KIF5C: variants seen among roughly 807,000 people sequenced by gnomAD.
The protein encoded by KIF5C is kinesin heavy chain isoform 5C.
A neutral mutation model predicts 125.2 loss-of-function variants in KIF5C; 18 were observed. The observed-to-expected ratio is 0.14, with a 90% CI of 0.10 to 0.21. KIF5C has a LOEUF of 0.21. Ranked by LOEUF, KIF5C falls within the 10% of genes least tolerant of loss-of-function variation. The pLI, the probability that KIF5C is intolerant of heterozygous loss-of-function variation, is 1.00. For synonymous variants in KIF5C, 405 were observed against 434.0 expected (o/e 0.93, Z 0.83); for missense variants, 780 against 1,183.8 (o/e 0.66, Z 5.01).
intron 11 of KIF5C, among the ~76,000 whole-genome samples, chr2:148,965,141 G>C: frequency 6.6e-6 from 1 of 152,160 alleles, no homozygotes; most frequent in Non-Finnish European, 1.5e-5. Flanking sequence ...GGAGAACCAG[G>C]GGTGAGGGAG....
At chr2:148,999,065 C>T (rs1681770568) in intron 19 of KIF5C, among the ~76,000 whole-genome samples, 1 of 152,204 alleles carries the variant, frequency 6.6e-6, no homozygotes, top group African/African-American at 2.4e-5. Flanking sequence ...TGACCTGTGG[C>T]ACTGCCACCA....
Position 149,024,431 on chromosome 2 carries a change from C to G in KIF5C, c.*1361C>G, listed in dbSNP as rs191899859. 95 of 152,216 alleles carry G rather than the reference C, an allele frequency of 6.2e-4. 2 individuals are homozygous for G. The highest frequency in any genetic ancestry group is 5.1e-3 in the East Asian group (26 of 5,132). The allele number at this position is 152,216 out of a possible 1,614,324, so 9.4% of individuals were successfully genotyped here. On this transcript the variant is annotated 3_prime_UTR_variant, in exon 26 of 26. Transcript: ENST00000435030. ...AAGATGAGTGAGCTGGCACTGTGCC[C>G]TGAAGCTTTCACCACTGTAATGAAA...
chr2:148,939,020 G>T (rs1682349201), intron 4 of KIF5C, among the ~76,000 whole-genome samples: 1 of 151,364 alleles, frequency 6.6e-6, no homozygotes, highest in Admixed American at 6.6e-5. Flanking sequence ...ACTTGAACCT[G>T]GGAGGCAGAG....
In KIF5C at chr2:148,991,019, G is replaced by A; in HGVS notation, c.1726G>A (p.Val576Met). 6.2e-7 allele frequency: 1 copy of A among 1,613,312 alleles called. No individual in the cohort carries two copies. Among genetic ancestry groups the A allele is most frequent in the Non-Finnish European group, 8.5e-7 (1 of 1,179,572 alleles). The change falls in exon 16 of 26, where the codon GTG becomes ATG. Residue 576 changes from valine to methionine, a missense_variant. Val to Met is a conservative substitution (Grantham distance 21). Coordinates refer to ENST00000435030, the MANE Select transcript of KIF5C (RefSeq NM_004522.3). ...CCCCTTCTTTGCTCAGTTGGCAGAT[G>A]TGAATGGAGTCATTGAGGAGGAGTT... ...GTNDVKTLAD[V>M]NGVIEEEFTM...
At chr2:148,900,123 AT>A (rs201793366) in intron 1 of KIF5C, among the ~76,000 whole-genome samples, 8 of 151,880 alleles carry the variant, frequency 5.3e-5, no homozygotes, top group Admixed American at 2.0e-4. Context: ...TGATTTTGTG[AT>A]TTTTTTTCCC....
chr2:148,898,336 C>T (rs927304204), intron 1 of KIF5C, among the ~76,000 whole-genome samples: 1 of 152,190 alleles, frequency 6.6e-6, no homozygotes, highest in African/African-American at 2.4e-5. Context: ...GAGCCCTGAA[C>T]TGAGTATCTC....
chr2:148,977,666 A>G (rs1335330385), intron 12 of KIF5C, among the ~76,000 whole-genome samples: 1 of 152,244 alleles, frequency 6.6e-6, no homozygotes, highest in Non-Finnish European at 1.5e-5. Context: ...CAGTAGAAAC[A>G]GGATCTCTTT....
Position 148,998,495 on chromosome 2 carries a change from T to A in KIF5C, c.2196T>A (p.Ile732=), listed in dbSNP as rs1681743274. 8.3e-6 allele frequency: 13 copies of A among 1,557,250 alleles called. No homozygotes were observed. Among genetic ancestry groups the A allele is most frequent in the Admixed American group, 1.9e-5 (1 of 51,386 alleles). The change falls in exon 19 of 26, where the codon ATT becomes ATA. Residue 732 remains isoleucine, a synonymous_variant. Coordinates refer to ENST00000435030, the MANE Select transcript of KIF5C (RefSeq NM_004522.3). ...RDEIEEKQKI[I]DEIRDLNQKL... ...AAATTGAGGAGAAGCAGAAAATCAT[T>A]GATGAGATTCGGGAGTGAGTCGGCC...
At chr2:148,894,702 C>CT (rs1361365943) in intron 1 of KIF5C, among the ~76,000 whole-genome samples, 1,713 of 148,504 alleles carry the variant, frequency 0.012, 30 homozygotes, top group African/African-American at 0.041. Context: ...AAGTTTAGTA[C>CT]AATATATATA....
At chr2:148,969,490 TTTACAATA>T (rs1315998614) in intron 11 of KIF5C, among the ~76,000 whole-genome samples, 1 of 150,352 alleles carries the variant, frequency 6.7e-6, no homozygotes, top group Non-Finnish European at 1.5e-5. Flanking sequence ...TTTCAGATGC[TTTACAATA>T]TTATGAGCTC....
intron 21 of KIF5C, among the ~76,000 whole-genome samples, chr2:149,001,589 G>A (rs1681851986): frequency 6.6e-6 from 1 of 152,148 alleles, no homozygotes; most frequent in Non-Finnish European, 1.5e-5. Flanking sequence ...TTGAAACCCT[G>A]GTTGGTTTTC....
At chr2:148,889,429 A>G (rs1167278040) in intron 1 of KIF5C, among the ~76,000 whole-genome samples, 2 of 152,162 alleles carry the variant, frequency 1.3e-5, no homozygotes, top group African/African-American at 4.8e-5. Context: ...CTCCTGGGCT[A>G]TATAGAGGGA....
chr2:148,985,816 G>A lies in KIF5C; in HGVS notation c.1716+2050G>A, dbSNP rs151182335. On this transcript the variant is annotated intron_variant, in intron 15 of 25. Transcript: ENST00000435030. Reference sequence around the variant, plus strand: ...ATGTTGAAAGCCGTTTTTGGATGGTGTAACAGGTCCCAGCTTAGAGTACAT... The same window carrying A: ...ATGTTGAAAGCCGTTTTTGGATGGTATAACAGGTCCCAGCTTAGAGTACAT... Among the ~76,000 whole-genome samples the A allele has an allele frequency of 1.0e-3, 159 of 152,280 alleles. 1 individual carries two copies. The highest frequency in any genetic ancestry group is 4.0e-4 in the Non-Finnish European group (27 of 68,006).
At chr2:148,979,609 A>G (rs1280378963) in intron 13 of KIF5C, among the ~76,000 whole-genome samples, 4 of 152,110 alleles carry the variant, frequency 2.6e-5, no homozygotes, top group Non-Finnish European at 5.9e-5. Context: ...ATACCCAGCA[A>G]TGCTGTGACC....
At chr2:148,942,423 T>C (rs531849572) in intron 6 of KIF5C, among the ~76,000 whole-genome samples, 34 of 152,222 alleles carry the variant, frequency 2.2e-4, no homozygotes, top group Admixed American at 2.2e-3. Context: ...AGTATGAATA[T>C]GTACTCAAAA....
chr2:148,993,407 A>G (rs1160800461), intron 16 of KIF5C, among the ~76,000 whole-genome samples: 1 of 152,248 alleles, frequency 6.6e-6, no homozygotes, highest in Non-Finnish European at 1.5e-5. Context: ...GCACTCTGCT[A>G]CAATTCATGC....
chr2:148,928,402 T>C (rs529397405), intron 2 of KIF5C, among the ~76,000 whole-genome samples: 1 of 152,318 alleles, frequency 6.6e-6, no homozygotes, highest in South Asian at 2.1e-4. Flanking sequence ...ATTGTTCCTC[T>C]TCCAGTGATA....
chr2:148,947,572 G>C (rs967631944), intron 8 of KIF5C: 2 of 247,010 alleles, frequency 8.1e-6, no homozygotes, highest in South Asian at 4.9e-5. Context: ...CCTGTAATCA[G>C]CCTCAGCGGC....
chr2:149,019,340 C>T (rs140568955), intron 25 of KIF5C, among the ~76,000 whole-genome samples: 23 of 152,242 alleles, frequency 1.5e-4, no homozygotes, highest in South Asian at 1.5e-3. Flanking sequence ...ATTAGGCCCC[C>T]GTGCATGTTA....
Sources: allele counts gnomAD v4.1 joint callset (sites outside exome capture counted in the v4.1 genomes callset), GRCh38; gene constraint gnomAD v4.1.1; transcripts MANE v1.5; gene names NCBI Gene and HGNC (gene_info 2026-07-23, HGNC 2026-07-21).